The following CDYL2 variants were observed in gnomAD, a reference collection of about 807,000 sequenced individuals.
CDYL2 encodes chromodomain Y like 2.
Under a neutral mutation model 49.4 loss-of-function variants are expected in CDYL2, and 23 were observed. That is an observed-to-expected ratio of 0.47 (90% CI 0.34 to 0.66). CDYL2 has a LOEUF of 0.66. Among genes scored for constraint, CDYL2 ranks in the 30% least tolerant of loss-of-function variants. The pLI, the probability that CDYL2 is intolerant of heterozygous loss-of-function variation, is 0.01. For missense variants in CDYL2, 678 were observed against 656.4 expected, an observed-to-expected ratio of 1.03 and a Z score of -0.36; for synonymous variants, 360 against 268.8, an observed-to-expected ratio of 1.34 and a Z score of -3.32.
chr16:80,640,973 G>T (rs530609698), intron 2 of CDYL2, among the ~76,000 whole-genome samples: 1 of 152,180 alleles, frequency 6.6e-6, no homozygotes, highest in African/African-American at 2.4e-5. Flanking sequence ...GCCTCAAAAG[G>T]GCAAATCTAA....
intron 1 of CDYL2, among the ~76,000 whole-genome samples, chr16:80,704,093 G>C (rs1597087815): frequency 6.6e-6 from 1 of 152,158 alleles, no homozygotes; most frequent in Non-Finnish European, 1.5e-5. Context: ...GTTTGTCCTA[G>C]GAGGTCAGTG....
At chr16:80,751,930 T>C (rs1906151152) in intron 1 of CDYL2, among the ~76,000 whole-genome samples, 1 of 152,166 alleles carries the variant, frequency 6.6e-6, no homozygotes, top group Non-Finnish European at 1.5e-5. Flanking sequence ...GAGTGAATAC[T>C]CTTTGTAGAA....
chr16:80,718,854 G>A (rs909568202), intron 1 of CDYL2, among the ~76,000 whole-genome samples: 23 of 152,190 alleles, frequency 1.5e-4, no homozygotes, highest in African/African-American at 5.1e-4. Flanking sequence ...GCAGGGGAGC[G>A]CCTGGGGTCT....
intron 1 of CDYL2, among the ~76,000 whole-genome samples, chr16:80,751,236 C>T (rs1219822884): frequency 6.6e-6 from 1 of 152,170 alleles, no homozygotes; most frequent in Non-Finnish European, 1.5e-5. Flanking sequence ...AATGTCCCTG[C>T]CAAGAGGAGG....
In CDYL2 at chr16:80,622,319, C is replaced by A. The variant is rs372870046; in HGVS notation, c.835-1384G>T. Among the ~76,000 whole-genome samples the A allele has an allele frequency of 5.3e-5, 8 of 152,324 alleles. No homozygotes were observed. The East Asian group carries it at 9.7e-4, about 18-fold the overall frequency. On this transcript the variant is annotated intron_variant, in intron 3 of 6. Coordinates refer to ENST00000570137, the MANE Select transcript of CDYL2 (RefSeq NM_152342.4). ...GCCAAGCCTATATTCACCTAATCAC[C>A]TTTGCACATGCCAATCTCCCCACCC...
At chr16:80,609,394 T>C (rs1055209799) in intron 5 of CDYL2, among the ~76,000 whole-genome samples, 8 of 152,332 alleles carry the variant, frequency 5.3e-5, no homozygotes, top group African/African-American at 1.9e-4. Context: ...GAGCTATGCG[T>C]AAGTTCCCCC....
rs1477166997 is a variant in CDYL2, at chr16:80,795,984, T to C, written c.24+8166A>G. 2.0e-5 allele frequency among the ~76,000 whole-genome samples: 3 copies of C among 152,236 alleles called. No homozygotes were observed. The East Asian group carries it at 5.8e-4, about 29-fold the overall frequency. On this transcript the variant is annotated intron_variant, in intron 1 of 6. Coordinates refer to ENST00000570137, the MANE Select transcript of CDYL2 (RefSeq NM_152342.4). ...TGTCTAGCCATACACTATTACCAAA[T>C]GATGGAGTTGTGGACAACAACCCTA...
intron 1 of CDYL2, among the ~76,000 whole-genome samples, chr16:80,760,389 A>G (rs866478541): frequency 6.3e-4 from 96 of 152,346 alleles, no homozygotes; most frequent in African/African-American, 2.1e-3. Flanking sequence ...TACAAAAAAA[A>G]TAGAATGAAT....
chr16:80,735,242 T>A (rs1415183178), intron 1 of CDYL2: 1 of 152,240 alleles, frequency 6.6e-6, no homozygotes, highest in Non-Finnish European at 1.5e-5. Flanking sequence ...ATGCCCAAGC[T>A]ACTGTATTTG....
chr16:80,739,966 G>C (rs967123274), intron 1 of CDYL2, among the ~76,000 whole-genome samples: 1 of 152,190 alleles, frequency 6.6e-6, no homozygotes, highest in African/African-American at 2.4e-5. Context: ...GAAACGACTT[G>C]GGGGCAATGT....
intron 1 of CDYL2, among the ~76,000 whole-genome samples, chr16:80,771,428 G>C (rs938911922): frequency 6.6e-6 from 1 of 152,242 alleles, no homozygotes; most frequent in Non-Finnish European, 1.5e-5. Context: ...AAACTGGCCA[G>C]TGCAGTAGAT....
intron 1 of CDYL2, among the ~76,000 whole-genome samples, chr16:80,779,708 T>G (rs1320835241): frequency 6.6e-6 from 1 of 152,114 alleles, no homozygotes; most frequent in Non-Finnish European, 1.5e-5. Context: ...AGGAAATACT[T>G]ATATTGTTAA....
At chr16:80,609,392 C>G (rs546179096) in intron 5 of CDYL2, among the ~76,000 whole-genome samples, 4 of 152,196 alleles carry the variant, frequency 2.6e-5, no homozygotes, top group Non-Finnish European at 4.4e-5. Context: ...CAGAGCTATG[C>G]GTAAGTTCCC....
At chr16:80,623,408 C>A (rs574740037) in intron 3 of CDYL2, among the ~76,000 whole-genome samples, 3 of 151,892 alleles carry the variant, frequency 2.0e-5, no homozygotes, top group Non-Finnish European at 4.4e-5. Flanking sequence ...GGCACATACC[C>A]TGCAAGATGT....
chr16:80,715,771 C>T (rs1372536545), intron 1 of CDYL2, among the ~76,000 whole-genome samples: 1 of 152,250 alleles, frequency 6.6e-6, no homozygotes, highest in Non-Finnish European at 1.5e-5. Flanking sequence ...CCTTCACCTT[C>T]CATCTCCTCC....
intron 4 of CDYL2, among the ~76,000 whole-genome samples, chr16:80,616,982 C>T (rs1906855248): frequency 6.6e-6 from 1 of 152,216 alleles, no homozygotes; most frequent in African/African-American, 2.4e-5. Context: ...AGGCGGTCTG[C>T]TTCCAGGGGC....
chr16:80,676,499 G>A (rs1377207066), intron 2 of CDYL2, among the ~76,000 whole-genome samples: 1 of 152,152 alleles, frequency 6.6e-6, no homozygotes, highest in Non-Finnish European at 1.5e-5. Flanking sequence ...GAGCCTTCCT[G>A]AACCAGTTTC....
At chr16:80,712,268 T>C (rs62051679) in intron 1 of CDYL2, among the ~76,000 whole-genome samples, 22,102 of 147,252 alleles carry the variant, frequency 0.15, 2,028 homozygotes, top group South Asian at 0.22. Flanking sequence ...AATTTGCGTA[T>C]GTTTTAAAAT....
At position 80,685,072 on chromosome 16, in the gene CDYL2, G is replaced by A. The variant is rs1455559785; in HGVS notation, c.82C>T (p.Arg28Ter). The A allele has an allele frequency of 1.2e-6, 2 of 1,614,010 alleles. No homozygotes were observed. Among genetic ancestry groups the A allele is most frequent in the Non-Finnish European group, 1.7e-6 (2 of 1,179,980 alleles). The part of the protein sequence containing the change: ...NKKGKWEYLI[R>*]WKGYGSTEDT... ...TCGGTGCTCCCGTAGCCTTTCCATC[G>A]GATAAGATACTCCCATTTTCCTTTC... is the stretch of plus-strand genomic sequence containing the variant. Residue 28 changes from arginine (R) to a stop codon, truncating the protein, a stop_gained, in exon 2 of 7, where the codon CGA (arginine) becomes TGA (stop). Coordinates refer to ENST00000570137, the MANE Select transcript of CDYL2 (RefSeq NM_152342.4). LOFTEE classifies it high-confidence loss of function.
Sources: allele counts gnomAD v4.1 joint callset (sites outside exome capture counted in the v4.1 genomes callset), GRCh38; gene constraint gnomAD v4.1.1; transcripts MANE v1.5; gene names NCBI Gene and HGNC (gene_info 2026-07-23, HGNC 2026-07-21).